Variants in RBBP8 observed in about 807,000 individuals in gnomAD.
RBBP8 encodes DNA endonuclease RBBP8.
A neutral mutation model predicts 108.3 loss-of-function variants in RBBP8; 88 were observed. That is an observed-to-expected ratio of 0.81 (90% CI 0.68 to 0.97). RBBP8 has a LOEUF of 0.97. RBBP8 is among the 50% of genes least tolerant of loss of function. The pLI, the probability that RBBP8 is intolerant of heterozygous loss-of-function variation, is 0.00. For missense variants in RBBP8, 1,023 were observed against 1,049.0 expected (o/e 0.98, Z 0.34); for synonymous variants, 332 against 348.2 (o/e 0.95, Z 0.52).
intron 3 of RBBP8, among the ~76,000 whole-genome samples, chr18:22,928,048 A>C (rs918914012): frequency 3.3e-5 from 5 of 152,096 alleles, no homozygotes; most frequent in African/African-American, 1.2e-4. Flanking sequence ...GTCTCTACTA[A>C]AGACACAATA....
intron 17 of RBBP8, among the ~76,000 whole-genome samples, chr18:23,021,918 C>T (rs2046351509): frequency 6.6e-6 from 1 of 151,948 alleles, no homozygotes; most frequent in African/African-American, 2.4e-5. Flanking sequence ...GAAGCAGGCA[C>T]TTCACAGACC....
At chr18:22,918,122 T>G (rs1200831221) in intron 3 of RBBP8, among the ~76,000 whole-genome samples, 1 of 152,190 alleles carries the variant, frequency 6.6e-6, no homozygotes, top group Admixed American at 6.5e-5. Context: ...GTTAAAAGTA[T>G]TTTGAGAGTG....
intron 16 of RBBP8, among the ~76,000 whole-genome samples, chr18:23,008,769 ATTTTTTTTTTTT>A (rs71161355): frequency 1.0e-4 from 10 of 100,026 alleles, no homozygotes; most frequent in African/African-American, 4.1e-4. Flanking sequence ...TATGACTTTG[ATTTTTTTTTTTT>A]TTTTTTTTTT....
At chr18:22,937,591 G>A (rs1268506004) in intron 2 of RBBP8, among the ~76,000 whole-genome samples, 2 of 151,140 alleles carry the variant, frequency 1.3e-5, no homozygotes, top group Non-Finnish European at 2.9e-5. Flanking sequence ...CCATTCTCAA[G>A]TGAGCCTCCC....
intron 6 of RBBP8, among the ~76,000 whole-genome samples, chr18:22,980,136 C>G (rs1056954839): frequency 2.6e-5 from 4 of 152,026 alleles, no homozygotes; most frequent in African/African-American, 9.7e-5. Flanking sequence ...ATCCCACCTA[C>G]TCAGGAGGCT....
At chr18:22,976,979 G>C (rs1267317909) in intron 6 of RBBP8, among the ~76,000 whole-genome samples, 2 of 152,008 alleles carry the variant, frequency 1.3e-5, no homozygotes, top group Non-Finnish European at 2.9e-5. Flanking sequence ...TCAAATTTTA[G>C]AAAAGAAGTG....
intron 4 of RBBP8, among the ~76,000 whole-genome samples, chr18:22,968,100 T>A (rs1421303702): frequency 2.0e-5 from 3 of 150,632 alleles, no homozygotes; most frequent in Non-Finnish European, 4.4e-5. Context: ...TGAGTCAGAG[T>A]CTTGCTCTGT....
chr18:23,003,361 G>A (rs2045979917), intron 15 of RBBP8, among the ~76,000 whole-genome samples: 1 of 152,118 alleles, frequency 6.6e-6, no homozygotes, highest in African/African-American at 2.4e-5. Flanking sequence ...TATAATTTAG[G>A]ATTTGTTACA....
chr18:22,997,825 T>C (rs2045886626), intron 14 of RBBP8, 91 bp downstream of exon 14: 1 of 897,440 alleles, frequency 1.1e-6, no homozygotes, highest in South Asian at 1.4e-5. Context: ...AAGTGACCTC[T>C]TCACCATAAA....
chr18:22,955,602 GAGTCTTGCTCTGTCACCC>G (rs1420514816), intron 4 of RBBP8, among the ~76,000 whole-genome samples: 1 of 144,474 alleles, frequency 6.9e-6, no homozygotes, highest in Non-Finnish European at 1.5e-5. Context: ...TTTTGAGACA[GAGTCTTGCTCTGTCACCC>G]AGGCTGGAGT....
intron 6 of RBBP8, among the ~76,000 whole-genome samples, chr18:22,976,869 G>A (rs2144630255): frequency 6.6e-6 from 1 of 152,216 alleles, no homozygotes; most frequent in Admixed American, 6.5e-5. Flanking sequence ...AAGTTAGGTT[G>A]AAACTATATC....
chr18:22,920,987 C>T (rs889123967), intron 3 of RBBP8: 3 of 152,202 alleles, frequency 2.0e-5, no homozygotes, highest in African/African-American at 7.2e-5. Flanking sequence ...AACATTCTTA[C>T]AAATGACTAA....
intron 2 of RBBP8, among the ~76,000 whole-genome samples, chr18:22,943,379 C>T (rs1911266573): frequency 6.6e-6 from 1 of 151,982 alleles, no homozygotes; most frequent in African/African-American, 2.4e-5. Context: ...GTCAAGGCTA[C>T]AGTGAGCCGT....
intron 4 of RBBP8, among the ~76,000 whole-genome samples, chr18:22,955,969 A>G: frequency 6.6e-6 from 1 of 152,208 alleles, no homozygotes; most frequent in East Asian, 1.9e-4. Context: ...TTAATGTTAT[A>G]TAAATTAATT....
At position 22,968,811 on chromosome 18, in the gene RBBP8, G is replaced by T; in HGVS notation, c.254G>T (p.Arg85Ile). Residue 85 changes from arginine (R) to isoleucine (I), a missense_variant, in exon 5 of 19, where the codon AGA becomes ATA. Transcript: ENST00000327155. ...ETIKVLEDRL[R>I]AGLCDRCAVT... ...TACCTTGTTTTGTTTCATAGGTTAA[G>T]AGCAGGCTTATGTGATCGCTGTGCA... 1 of 1,612,780 alleles carries T rather than the reference G, an allele frequency of 6.2e-7. No homozygotes were observed. The highest frequency in any genetic ancestry group is 1.1e-5 in the South Asian group (1 of 91,014).
chr18:22,973,141 C>T (rs1348801965), intron 5 of RBBP8, among the ~76,000 whole-genome samples: 2 of 152,158 alleles, frequency 1.3e-5, no homozygotes, highest in African/African-American at 2.4e-5. Flanking sequence ...TTTATTTACC[C>T]GTTTAGCAAT....
intron 4 of RBBP8, among the ~76,000 whole-genome samples, chr18:22,955,757 T>C (rs889344230): frequency 6.6e-5 from 10 of 152,092 alleles, no homozygotes; most frequent in African/African-American, 1.9e-4. Context: ...TTTTTTTGTA[T>C]TTTTAGTAGA....
chr18:23,025,583 A>G (rs1215810666), intron 18 of RBBP8, among the ~76,000 whole-genome samples: 1 of 152,236 alleles, frequency 6.6e-6, no homozygotes, highest in Non-Finnish European at 1.5e-5. Flanking sequence ...TTACATGCTT[A>G]GAGACACCTT....
chr18:22,925,477 C>T (rs1909759061), intron 3 of RBBP8, among the ~76,000 whole-genome samples: 1 of 151,974 alleles, frequency 6.6e-6, no homozygotes, highest in South Asian at 2.1e-4. Context: ...AGTCTTTTTT[C>T]TCAAGCATAA....
Sources: allele counts gnomAD v4.1 joint callset (sites outside exome capture counted in the v4.1 genomes callset), GRCh38; gene constraint gnomAD v4.1.1; transcripts MANE v1.5; gene names NCBI Gene and HGNC (gene_info 2026-07-23, HGNC 2026-07-21).